Variants in DLX1 observed in about 807,000 individuals in gnomAD.
DLX1 encodes distal-less homeobox 1, also known as homeobox protein DLX-1.
A neutral mutation model predicts 25.0 loss-of-function variants in DLX1; 7 were observed. That is an observed-to-expected ratio of 0.28 (90% CI 0.16 to 0.52). The LOEUF is 0.52. DLX1 is among the 20% of genes least tolerant of loss of function. The pLI is 0.96. For synonymous variants in DLX1, 155 were observed against 140.3 expected (o/e 1.10, Z -0.74); for missense variants, 233 against 334.4 (o/e 0.70, Z 2.37).
intron 2 of DLX1, chr2:172,087,120 A>G: frequency 1.5e-6 from 1 of 682,228 alleles, no homozygotes; most frequent in East Asian, 2.9e-5. Flanking sequence ...ATTTCCCCAG[A>G]CGATTTGTTT....
At position 172,089,325 on chromosome 2, in the gene DLX1, C is replaced by T. The variant is rs1690929153; in HGVS notation, c.*1068C>T. On this transcript the variant is annotated 3_prime_UTR_variant, in exon 3 of 3. Coordinates refer to ENST00000361725, the MANE Select transcript of DLX1 (RefSeq NM_178120.5). ...CTCGACCACAGAATAATGCCAGTCA[C>T]CACCCTGAACGCACAATCTCCAGTG... The T allele has an allele frequency of 6.6e-6, 1 of 152,390 alleles. No individual in the cohort carries two copies. The highest frequency in any genetic ancestry group is 2.4e-5 in the African/African-American group (1 of 41,432). 9.4% of individuals were successfully genotyped at this position (152,390 alleles called of 1,614,324 possible).
chr2:172,085,862 C>T lies in DLX1; in HGVS notation c.185C>T (p.Ser62Phe). The T allele has an allele frequency of 6.2e-7, 1 of 1,614,226 alleles. No individual in the cohort carries two copies. Among genetic ancestry groups the T allele is most frequent in the Non-Finnish European group, 8.5e-7 (1 of 1,180,046 alleles). ...QPDGAYSSAS[S>F]FSRPLGYPYV... is the part of the protein sequence containing the mutation. ...GACGGCGCCTACAGCTCAGCCTCGT[C>T]CTTCTCCCGACCGCTGGGCTACCCC... The change falls in exon 1 of 3, where the codon TCC becomes TTC. Residue 62 changes from serine to phenylalanine, a missense_variant. Ser to Phe is a radical substitution (Grantham distance 155, BLOSUM62 -2). This residue lies in a region of DLX1 where 126 missense variants were observed against 170.4 expected (regional missense o/e 0.74). Coordinates refer to ENST00000361725, the MANE Select transcript of DLX1 (RefSeq NM_178120.5). This position sits in a 1 kb window ranked among gnomAD's most constrained non-coding sequence, Gnocchi z 4.3.
At chr2:172,086,020 G>T (rs1410896953) in intron 1 of DLX1, 30 bp downstream of exon 1, 5 of 1,546,442 alleles carry the variant, frequency 3.2e-6, no homozygotes, top group Non-Finnish European at 4.4e-6. Flanking sequence ...AGAGGGAGAG[G>T]AGGAGGTACA....
Position 172,089,108 on chromosome 2 carries a change from A to G in DLX1, c.*851A>G, listed in dbSNP as rs1306167618. 1 of 152,248 alleles carries G rather than the reference A, an allele frequency of 6.6e-6. No homozygotes were observed. Among genetic ancestry groups the G allele is most frequent in the African/African-American group, 2.4e-5 (1 of 41,462 alleles). 9.4% of individuals were successfully genotyped at this position (152,248 alleles called of 1,614,324 possible). A position where few individuals can be genotyped will look rare whatever the true frequency, so the allele number is the denominator to read the frequency against. On this transcript the variant is annotated 3_prime_UTR_variant, in exon 3 of 3. Coordinates refer to ENST00000361725, the MANE Select transcript of DLX1 (RefSeq NM_178120.5). The stretch of plus-strand genomic sequence containing the variant: ...AAGAAAAGAACGATAAATGAAGCCA[A>G]CATGATTTTCTCATTTCGGGAGGAA...
Position 172,088,323 on chromosome 2 carries a change from C to G in DLX1, c.*66C>G. The G allele has an allele frequency of 7.1e-7, 1 of 1,408,306 alleles. No individual in the cohort carries two copies. Among genetic ancestry groups the G allele is most frequent in the East Asian group, 2.7e-5 (1 of 36,462 alleles). 87.2% of individuals were successfully genotyped at this position (1,408,306 alleles called of 1,614,324 possible). On this transcript the variant is annotated 3_prime_UTR_variant, in exon 3 of 3. Transcript: ENST00000361725. ...CCCTCCCGCCTCCAGGTCCATCCAT[C>G]CCGTCCGGAAAAGAAGGACCCAGAG...
intron 1 of DLX1, 109 bp downstream of exon 1, chr2:172,086,099 A>T: frequency 1.7e-5 from 1 of 57,180 alleles, no homozygotes; most frequent in East Asian, 5.7e-4. Flanking sequence ...AAGAGAGGAG[A>T]GCGAGGTGGG....
chr2:172,086,682 G>A lies in DLX1; in HGVS notation c.342G>A (p.Val114=), dbSNP rs778735518. The A allele has an allele frequency of 1.3e-6, 2 of 1,552,924 alleles. No individual in the cohort carries two copies. Among genetic ancestry groups the A allele is most frequent in the Non-Finnish European group, 1.7e-6 (2 of 1,147,990 alleles). ...PGADSEKSTV[V]EGGEVRFNGK... ...CGGACTCGGAGAAGAGCACGGTGGTGGAAGGCGGTGAAGTGCGCTTCAATG... is the reference window on the plus strand; with the variant it reads ...CGGACTCGGAGAAGAGCACGGTGGTAGAAGGCGGTGAAGTGCGCTTCAATG... The change falls in exon 2 of 3, where the codon GTG becomes GTA. Residue 114 remains valine, a synonymous_variant. Transcript: ENST00000361725.
In DLX1 at chr2:172,088,558, A is replaced by T. The variant is rs1278857992; in HGVS notation, c.*301A>T. On this transcript the variant is annotated 3_prime_UTR_variant, in exon 3 of 3. Coordinates refer to ENST00000361725, the MANE Select transcript of DLX1 (RefSeq NM_178120.5). ...CGCTCCACCCGACCCGCCGACCTTC[A>T]GCTTTGTGGGACTATCAGGAAAAAA... The T allele has an allele frequency of 5.6e-6, 2 of 359,734 alleles. No individual in the cohort carries two copies. The highest frequency in any genetic ancestry group is 9.9e-6 in the Non-Finnish European group (2 of 201,024). The allele number at this position is 359,734 out of a possible 1,614,324, so 22.3% of individuals were successfully genotyped here.
chr2:172,087,256 C>T (rs1245966868), intron 2 of DLX1: 4 of 394,010 alleles, frequency 1.0e-5, no homozygotes, highest in Non-Finnish European at 2.0e-5. Flanking sequence ...CCTCCCTCCT[C>T]CTCCTCCTTC....
At chr2:172,086,066 GA>G in intron 1 of DLX1, 76 bp downstream of exon 1, 1 of 998,464 alleles carries the variant, frequency 1.0e-6, no homozygotes, top group South Asian at 1.6e-5. Context: ...GGGAGAAGAG[GA>G]GAGGGAGAGA....
Position 172,088,383 on chromosome 2 carries a change from T to C in DLX1, c.*126T>C. On this transcript the variant is annotated 3_prime_UTR_variant, in exon 3 of 3. Transcript: ENST00000361725. The stretch of plus-strand genomic sequence containing the variant: ...AACAGTGGAGGCGGGACGCCCTCCA[T>C]CTCCTCGGAGCCCCGCGAGGTCCGG... The C allele has an allele frequency of 8.0e-7, 1 of 1,253,104 alleles. No individual in the cohort carries two copies. Among genetic ancestry groups the C allele is most frequent in the Non-Finnish European group, 1.0e-6 (1 of 960,380 alleles). The allele number at this position is 1,253,104 out of a possible 1,614,324, so 77.6% of individuals were successfully genotyped here. A position where few individuals can be genotyped will look rare whatever the true frequency, so the allele number is the denominator to read the frequency against.
At position 172,085,674 on chromosome 2, in the gene DLX1, A is replaced by T; in HGVS notation, c.-4A>T. ...AGTCCCACACCCAGACCCCGCGAGA[A>T]GAGATGACCATGACCACCATGCCAG... On this transcript the variant is annotated 5_prime_UTR_variant, in exon 1 of 3. In the 5' UTR this introduces an upstream ATG that the reference lacks. Transcript: ENST00000361725. The surrounding 1 kb of genome is among the most constrained non-coding windows in gnomAD (Gnocchi z 4.3). The T allele has an allele frequency of 6.2e-7, 1 of 1,611,378 alleles. No homozygotes were observed. Among genetic ancestry groups the T allele is most frequent in the Non-Finnish European group, 8.5e-7 (1 of 1,178,448 alleles).
chr2:172,086,829 C>G lies in DLX1; in HGVS notation c.489C>G (p.Ala163=). 6.2e-7 allele frequency: 1 copy of G among 1,614,258 alleles called. No individual in the cohort carries two copies. The highest frequency in any genetic ancestry group is 8.5e-7 in the Non-Finnish European group (1 of 1,180,046). ...LALPERAELA[A]SLGLTQTQVK... ...TGCCGGAGAGGGCGGAGCTCGCGGC[C>G]TCTTTGGGACTCACACAGACTCAGG... Residue 163 remains alanine (A), a synonymous_variant, in exon 2 of 3, where the codon GCC becomes GCG. Coordinates refer to ENST00000361725, the MANE Select transcript of DLX1 (RefSeq NM_178120.5).
At chr2:172,087,322 C>T in intron 2 of DLX1, 1 of 371,428 alleles carries the variant, frequency 2.7e-6, no homozygotes, top group South Asian at 2.0e-5. Context: ...CTCTCAAGTC[C>T]CAGACCTTAG....
Position 172,086,841 on chromosome 2 carries a change from C to T in DLX1, c.501C>T (p.Leu167=). The T allele has an allele frequency of 6.2e-7, 1 of 1,614,250 alleles. No individual in the cohort carries two copies. The change falls in exon 2 of 3, where the codon CTC becomes CTT. Residue 167 remains leucine (L), a synonymous_variant. Coordinates refer to ENST00000361725, the MANE Select transcript of DLX1 (RefSeq NM_178120.5). ...CGGAGCTCGCGGCCTCTTTGGGACT[C>T]ACACAGACTCAGGTACCTCGCCGCT... is the stretch of plus-strand genomic sequence containing the variant. ...ERAELAASLG[L]TQTQVKIWFQ...
rs1250744657 is a variant in DLX1, at chr2:172,088,132, G to T, written c.643G>T (p.Gly215Cys). The T allele has an allele frequency of 6.2e-7, 1 of 1,609,586 alleles. No homozygotes were observed. The highest frequency in any genetic ancestry group is 1.1e-5 in the South Asian group (1 of 90,510). ...TGCTGGCTCCCCACCCGTGCCGCCC[G>T]GCTGGAACCCTAACTCTTCATCCGG... is the stretch of plus-strand genomic sequence containing the variant. ...LSAGSPPVPPGWNPNSSSGKG... is the reference protein window; with the variant it reads ...LSAGSPPVPPCWNPNSSSGKG... Residue 215 changes from glycine (G) to cysteine (C), a missense_variant, in exon 3 of 3, where the codon GGC becomes TGC. Physicochemically the swap from Gly to Cys is radical, Grantham distance 159. Around this residue, in one of 3 missense-constraint regions of DLX1, gnomAD observed 84 missense variants for 81.8 expected, o/e 1.03. Coordinates refer to ENST00000361725, the MANE Select transcript of DLX1 (RefSeq NM_178120.5).
intron 1 of DLX1, 193 bp downstream of exon 1, chr2:172,086,183 A>AT (rs1238944401): frequency 2.0e-5 from 12 of 609,598 alleles, no homozygotes; most frequent in Non-Finnish European, 3.0e-5. Context: ...CAGCAAATAA[A>AT]TTTTTTTAAA....
At position 172,085,628 on chromosome 2, in the gene DLX1, A is replaced by G; in HGVS notation, c.-50A>G. ...GTCCTGAGAAACATAGAGACCCCCA[A>G]AAGGGAAGCAGAGGAGAGAAAGTCC... On this transcript the variant is annotated 5_prime_UTR_variant, in exon 1 of 3. Coordinates refer to ENST00000361725, the MANE Select transcript of DLX1 (RefSeq NM_178120.5). This position sits in a 1 kb window ranked among gnomAD's most constrained non-coding sequence, Gnocchi z 4.3. 1 of 1,563,906 alleles carries G rather than the reference A, an allele frequency of 6.4e-7. No homozygotes were observed. The highest frequency in any genetic ancestry group is 1.9e-5 in the Admixed American group (1 of 53,178).
intron 1 of DLX1, 56 bp from the exon 2 acceptor site, chr2:172,086,598 G>A: frequency 2.0e-6 from 3 of 1,476,856 alleles, no homozygotes; most frequent in Non-Finnish European, 2.7e-6. Flanking sequence ...TCGGCTGTTC[G>A]CACTAAAGGC....
Sources: allele counts gnomAD v4.1 joint callset, GRCh38; gene constraint gnomAD v4.1.1; regional missense constraint gnomAD v4.1.1; non-coding constraint Gnocchi (gnomAD v3.1); transcripts MANE v1.5; gene names NCBI Gene and HGNC (gene_info 2026-07-23, HGNC 2026-07-21).